COL28A1: variants seen among roughly 807,000 people sequenced by gnomAD.
COL28A1 encodes the protein collagen type XXVIII alpha 1 chain.
Under a neutral mutation model 150.2 loss-of-function variants are expected in COL28A1, and 161 were observed. The ratio of observed to expected loss-of-function variants is 1.07; its 90% CI spans 0.94 to 1.22. The LOEUF (loss-of-function observed/expected upper bound fraction) is 1.22, where lower values mean the gene tolerates loss of function less well. COL28A1 is among the 50% of genes most tolerant of loss of function. COL28A1 has a pLI of 0.00. For missense variants in COL28A1, 1,617 were observed against 1,388.3 expected, an observed-to-expected ratio of 1.16 and a Z score of -2.62; for synonymous variants, 552 against 469.7, an observed-to-expected ratio of 1.18 and a Z score of -2.26.
At chr7:7,532,110 T>C (rs769684210) in intron 2 of COL28A1, among the ~76,000 whole-genome samples, 5 of 152,294 alleles carry the variant, frequency 3.3e-5, no homozygotes, top group Admixed American at 6.5e-5. Context: ...TGTAAAATCA[T>C]GCAAATTAAA....
At chr7:7,452,726 G>C (rs928507732) in intron 17 of COL28A1, among the ~76,000 whole-genome samples, 3 of 152,150 alleles carry the variant, frequency 2.0e-5, no homozygotes, top group African/African-American at 7.2e-5. Context: ...GAAAAGCCAA[G>C]GTAACTGCTG....
chr7:7,347,224 G>A, the COL28A1 span, among the ~76,000 whole-genome samples: 4 of 151,832 alleles, frequency 2.6e-5, no homozygotes, highest in African/African-American at 7.3e-5. Flanking sequence ...CCTGGTGCAT[G>A]AGCCCTGACT....
intron 16 of COL28A1, among the ~76,000 whole-genome samples, chr7:7,454,599 A>C (rs1786993931): frequency 6.6e-6 from 1 of 152,200 alleles, no homozygotes. Flanking sequence ...TCCACCAAGG[A>C]ACAGCATTAA....
In COL28A1 at chr7:7,389,791, CTGTT is replaced by C. The variant is rs367849312; in HGVS notation, c.2137-8183_2137-8180del. On this transcript the variant is annotated intron_variant, in intron 27 of 34. Coordinates refer to ENST00000399429, the MANE Select transcript of COL28A1 (RefSeq NM_001037763.3). ...ATGGGAGTTCACTCATGATTTGGCT[CTGTT>C]TGTTTGTTATTGGTGTATAAGAATG... Among the ~76,000 whole-genome samples, 174 of 152,234 alleles carry C rather than the reference CTGTT, an allele frequency of 1.1e-3. 1 individual carries two copies. Among genetic ancestry groups the C allele is most frequent in the Middle Eastern group, 3.4e-3 (1 of 294 alleles).
intron 25 of COL28A1, among the ~76,000 whole-genome samples, chr7:7,427,742 ACT>A (rs1784727067): frequency 6.6e-6 from 1 of 152,170 alleles, no homozygotes; most frequent in Non-Finnish European, 1.5e-5. Flanking sequence ...AAAATATTTA[ACT>A]CTTTTGGGTT....
intron 14 of COL28A1, among the ~76,000 whole-genome samples, chr7:7,476,788 C>T (rs1203899725): frequency 6.6e-6 from 1 of 152,188 alleles, no homozygotes; most frequent in African/African-American, 2.4e-5. Flanking sequence ...ATTGCCATAG[C>T]TACACTCGAT....
At chr7:7,491,375 G>A (rs6946913) in intron 11 of COL28A1, among the ~76,000 whole-genome samples, 34,124 of 152,080 alleles carry the variant, frequency 0.22, 5,638 homozygotes, top group African/African-American at 0.47. Context: ...TGTGATAACT[G>A]TCTTGTAACT....
At chr7:7,451,174 G>A (rs1326505826) in intron 18 of COL28A1, among the ~76,000 whole-genome samples, 1 of 151,886 alleles carries the variant, frequency 6.6e-6, no homozygotes, top group African/African-American at 2.4e-5. Flanking sequence ...CTGGGCCGTG[G>A]AATACATAGG....
In COL28A1 at chr7:7,530,569, C is replaced by T. The variant is rs563854383; in HGVS notation, c.681+779G>A. On this transcript the variant is annotated intron_variant, in intron 3 of 34. Transcript: ENST00000399429. ...CAGTTTTTAACACTCAGCCAATCAA[C>T]CAATTTATCTCTAGGCGTTTTCTCC... is the stretch of plus-strand genomic sequence containing the variant. 2.0e-5 allele frequency among the ~76,000 whole-genome samples: 3 copies of T among 152,262 alleles called. No individual in the cohort carries two copies. In the South Asian group the frequency reaches 6.2e-4, roughly 32 times the overall value.
intron 16 of COL28A1, among the ~76,000 whole-genome samples, chr7:7,455,112 C>T (rs1305439432): frequency 2.0e-5 from 3 of 152,162 alleles, no homozygotes; most frequent in African/African-American, 7.2e-5. Context: ...AAATTCTTCC[C>T]TTCTCCCACT....
intron 30 of COL28A1, 44 bp downstream of exon 30, chr7:7,380,616 T>G (rs1319068917): frequency 1.9e-6 from 3 of 1,557,164 alleles, no homozygotes; most frequent in Middle Eastern, 1.7e-4. Flanking sequence ...GCAACAATTT[T>G]GCAAGCACAA....
chr7:7,456,978 T>C (rs1787220010), intron 15 of COL28A1, among the ~76,000 whole-genome samples: 1 of 152,092 alleles, frequency 6.6e-6, no homozygotes, highest in Non-Finnish European at 1.5e-5. Context: ...AGAAAAGCAT[T>C]CCATGCAGAG....
At chr7:7,498,583 G>T (rs2115080473) in intron 11 of COL28A1, among the ~76,000 whole-genome samples, 1 of 152,192 alleles carries the variant, frequency 6.6e-6, no homozygotes, top group South Asian at 2.1e-4. Context: ...TAATACCACT[G>T]AATTACATAC....
chr7:7,403,288 C>G (rs368200738), intron 27 of COL28A1, among the ~76,000 whole-genome samples: 15 of 151,888 alleles, frequency 9.9e-5, no homozygotes, highest in African/African-American at 3.4e-4. Flanking sequence ...AGATCAAAGC[C>G]GAGGGGAGGA....
At chr7:7,485,322 TGA>T (rs1421237810) in intron 13 of COL28A1, among the ~76,000 whole-genome samples, 2 of 152,334 alleles carry the variant, frequency 1.3e-5, no homozygotes, top group South Asian at 2.1e-4. Context: ...TTTTTATTAT[TGA>T]GTTTTGAGAA....
intron 32 of COL28A1, among the ~76,000 whole-genome samples, chr7:7,371,741 G>A (rs1678591758): frequency 6.6e-6 from 1 of 152,204 alleles, no homozygotes; most frequent in African/African-American, 2.4e-5. Context: ...GTCCTAGGAT[G>A]GCTCATTAGT....
chr7:7,472,318 A>G (rs190365351), intron 15 of COL28A1, among the ~76,000 whole-genome samples: 65 of 150,928 alleles, frequency 4.3e-4, no homozygotes, highest in African/African-American at 1.4e-3. Context: ...AGAATTCAAC[A>G]AAGTTTCCAG....
chr7:7,430,636 A>T (rs181574461), intron 25 of COL28A1, among the ~76,000 whole-genome samples: 1 of 152,250 alleles, frequency 6.6e-6, no homozygotes, highest in Admixed American at 6.5e-5. Flanking sequence ...ATTTTATTTC[A>T]TGTTTTATTT....
intron 30 of COL28A1, among the ~76,000 whole-genome samples, chr7:7,379,113 G>T (rs1026121265): frequency 1.3e-5 from 2 of 152,126 alleles, no homozygotes; most frequent in East Asian, 3.9e-4. Context: ...ATGCCCTTTG[G>T]CCCCAAGGAC....
Sources: allele counts gnomAD v4.1 joint callset (sites outside exome capture counted in the v4.1 genomes callset), GRCh38; gene constraint gnomAD v4.1.1; transcripts MANE v1.5; gene names NCBI Gene and HGNC (gene_info 2026-07-23, HGNC 2026-07-21).